Variants in ATG10 observed in about 807,000 individuals in gnomAD.
ATG10 encodes autophagy related 10, also known as ubiquitin-like-conjugating enzyme ATG10.
In ATG10, 30 loss-of-function variants were observed where a neutral mutation model predicts 32.1. The observed-to-expected ratio is 0.94, with a 90% CI of 0.70 to 1.27. ATG10 has a LOEUF of 1.27. Ranked by LOEUF, ATG10 falls within the 50% of genes most tolerant of loss-of-function variation. The pLI is 0.00. For missense variants in ATG10, 233 were observed against 262.3 expected (o/e 0.89, Z 0.77); for synonymous variants, 87 against 91.5 (o/e 0.95, Z 0.28).
chr5:82,198,920 G>A (rs1050717174), intron 5 of ATG10, among the ~76,000 whole-genome samples: 5 of 152,084 alleles, frequency 3.3e-5, no homozygotes, highest in African/African-American at 1.2e-4. Flanking sequence ...ACATTTCCAG[G>A]TACAACATTC....
chr5:82,190,801 AAAATG>A (rs1744633717), intron 5 of ATG10, among the ~76,000 whole-genome samples: 1 of 150,986 alleles, frequency 6.6e-6, no homozygotes, highest in East Asian at 1.9e-4. Context: ...AAAAAAAAAA[AAAATG>A]GGGAGAATTC....
Position 82,076,549 on chromosome 5 carries a change from G to A in ATG10, c.216+17947G>A, listed in dbSNP as rs146419794. 6.6e-5 allele frequency among the ~76,000 whole-genome samples: 10 copies of A among 152,232 alleles called. No individual in the cohort carries two copies. The East Asian group carries it at 1.7e-3, about 26-fold the overall frequency. On this transcript the variant is annotated intron_variant, in intron 3 of 7. Transcript: ENST00000282185. ...TGGCCATGTAGTTCTTGTGTTGTGAGTGTAGCAGGAGGATCTCAGACAAAA... is the reference window on the plus strand; with the variant it reads ...TGGCCATGTAGTTCTTGTGTTGTGAATGTAGCAGGAGGATCTCAGACAAAA...
At chr5:81,977,558 T>G (rs1760905254) in intron 1 of ATG10, among the ~76,000 whole-genome samples, 1 of 152,246 alleles carries the variant, frequency 6.6e-6, no homozygotes, top group South Asian at 2.1e-4. Context: ...GCCCATACTC[T>G]TCTCCACCCG....
chr5:82,170,949 A>AG (rs1743785503), intron 4 of ATG10, among the ~76,000 whole-genome samples: 2 of 152,126 alleles, frequency 1.3e-5, no homozygotes. Flanking sequence ...GAAAAAAAAA[A>AG]GAAAACAGAG....
At chr5:82,000,259 AT>A (rs1274381779) in intron 2 of ATG10, among the ~76,000 whole-genome samples, 1 of 152,236 alleles carries the variant, frequency 6.6e-6, no homozygotes, top group African/African-American at 2.4e-5. Context: ...TTTTGATACA[AT>A]TCAACATTTC....
chr5:82,057,115 G>A lies in ATG10; in HGVS notation c.109-1380G>A, dbSNP rs1454295349. Among the ~76,000 whole-genome samples the A allele has an allele frequency of 2.6e-5, 4 of 152,244 alleles. No individual in the cohort carries two copies. In the East Asian group the frequency reaches 5.8e-4, roughly 22 times the overall value. ...AAATATTTAGCAACCTGTGACAGAG[G>A]CATCAACCAATCAGAATGAGTTGGA... On this transcript the variant is annotated intron_variant, in intron 2 of 7. Coordinates refer to ENST00000282185, the MANE Select transcript of ATG10 (RefSeq NM_031482.5).
At chr5:82,076,551 G>C (rs1479510983) in intron 3 of ATG10, among the ~76,000 whole-genome samples, 1 of 152,122 alleles carries the variant, frequency 6.6e-6, no homozygotes, top group East Asian at 1.9e-4. Flanking sequence ...TGTTGTGAGT[G>C]TAGCAGGAGG....
At chr5:82,020,026 G>C (rs78179832) in intron 2 of ATG10, among the ~76,000 whole-genome samples, 1 of 152,158 alleles carries the variant, frequency 6.6e-6, no homozygotes, top group Non-Finnish European at 1.5e-5. Flanking sequence ...CCTCTGAAGC[G>C]CCCATGCAGT....
At chr5:82,090,492 TAG>T (rs1433409475) in intron 3 of ATG10, among the ~76,000 whole-genome samples, 4 of 152,312 alleles carry the variant, frequency 2.6e-5, no homozygotes, top group East Asian at 1.9e-4. Flanking sequence ...GCTGAATGAA[TAG>T]AGTCAGTCTT....
chr5:82,009,654 G>A (rs1238497434), intron 2 of ATG10: 12 of 1,592,224 alleles, frequency 7.5e-6, no homozygotes, highest in Middle Eastern at 1.7e-4. Flanking sequence ...GCCATTCCTG[G>A]ACCCAAAGCA....
rs1297911621 is a variant in ATG10, at chr5:82,084,309, C to T, written c.216+25707C>T. 3.3e-5 allele frequency among the ~76,000 whole-genome samples: 5 copies of T among 152,100 alleles called. No homozygotes were observed. In the East Asian group the frequency reaches 7.7e-4, roughly 23 times the overall value. The stretch of plus-strand genomic sequence containing the variant: ...AAAGAGTAAAAAGAAACAAACAAAG[C>T]CTCCAAGAAATATGGAACTATGTGA... On this transcript the variant is annotated intron_variant, in intron 3 of 7. Transcript: ENST00000282185.
chr5:82,236,487 T>A (rs1299925362), intron 5 of ATG10, among the ~76,000 whole-genome samples: 1 of 152,298 alleles, frequency 6.6e-6, no homozygotes, highest in East Asian at 1.9e-4. Context: ...GTGGAGACTG[T>A]CAGAAGCCCA....
intron 5 of ATG10, among the ~76,000 whole-genome samples, chr5:82,232,965 A>G (rs531937188): frequency 3.3e-5 from 5 of 152,202 alleles, no homozygotes; most frequent in Non-Finnish European, 7.4e-5. Flanking sequence ...CTGCTCTTGA[A>G]CACATCTAGT....
At chr5:82,178,623 A>T in intron 5 of ATG10, 36 bp downstream of exon 5, 1 of 1,348,958 alleles carries the variant, frequency 7.4e-7, no homozygotes. Flanking sequence ...TATGCATGTT[A>T]TTGTATTCTT....
chr5:82,178,359 G>A (rs1392794730), intron 4 of ATG10, 131 bp from the exon 5 acceptor site: 3 of 583,564 alleles, frequency 5.1e-6, no homozygotes, highest in Non-Finnish European at 9.3e-6. Flanking sequence ...GCACTCTCTT[G>A]ATATATAAAT....
At chr5:82,048,029 G>T (rs1763282910) in intron 2 of ATG10, among the ~76,000 whole-genome samples, 1 of 144,522 alleles carries the variant, frequency 6.9e-6, no homozygotes, top group Non-Finnish European at 1.5e-5. Flanking sequence ...GATAGTTGTA[G>T]ATATGCGGCA....
chr5:82,014,982 T>G (rs1323029635), intron 2 of ATG10, among the ~76,000 whole-genome samples: 1 of 152,214 alleles, frequency 6.6e-6, no homozygotes, highest in African/African-American at 2.4e-5. Context: ...TTCCTTTCCA[T>G]GTTTAGTGCT....
chr5:82,248,088 T>C (rs1291183404), intron 5 of ATG10, among the ~76,000 whole-genome samples: 1 of 152,224 alleles, frequency 6.6e-6, no homozygotes, highest in Non-Finnish European at 1.5e-5. Context: ...AGTATTCATA[T>C]TGGCCTTAGC....
intron 2 of ATG10, among the ~76,000 whole-genome samples, chr5:82,043,512 T>C (rs992633565): frequency 2.6e-5 from 4 of 152,270 alleles, no homozygotes; most frequent in Non-Finnish European, 5.9e-5. Context: ...AATTCTTCCG[T>C]GGAAAATGGG....
Sources: gnomAD v4.1 joint callset for allele counts (sites outside exome capture counted in the v4.1 genomes callset) on GRCh38, gnomAD v4.1.1 for gene constraint, MANE v1.5 for transcripts, NCBI Gene and HGNC (gene_info 2026-07-23, HGNC 2026-07-21) for gene names.